Variants in STPG2 observed in about 807,000 individuals in gnomAD.
STPG2 encodes the protein sperm-tail PG-rich repeat-containing protein 2.
In STPG2, 56 loss-of-function variants were observed where a neutral mutation model predicts 54.2. The observed-to-expected ratio is 1.03, with a 90% CI of 0.83 to 1.29. The LOEUF is 1.29. Among genes scored for constraint, STPG2 ranks in the 50% most tolerant of loss-of-function variants. The probability of loss-of-function intolerance (pLI) is 0.00; values close to 1 mark genes in which losing one functional copy is unlikely to be tolerated. For synonymous variants in STPG2, 200 were observed against 181.8 expected (o/e 1.10, Z -0.81); for missense variants, 596 against 544.9 (o/e 1.09, Z -0.93).
intron 4 of STPG2, among the ~76,000 whole-genome samples, chr4:97,484,006 T>G (rs1260276638): frequency 6.6e-6 from 1 of 151,628 alleles, no homozygotes; most frequent in Non-Finnish European, 1.5e-5. Flanking sequence ...AGTTGGAAAT[T>G]AAAACATTCT....
chr4:98,063,571 T>C (rs1433986545), intron 5 of STPG2, among the ~76,000 whole-genome samples: 1 of 152,148 alleles, frequency 6.6e-6, no homozygotes, highest in Admixed American at 6.6e-5. Flanking sequence ...AATTGTACTT[T>C]TATGGAAATA....
intron 1 of STPG2, among the ~76,000 whole-genome samples, chr4:98,139,690 A>G (rs1042586238): frequency 6.6e-6 from 1 of 152,182 alleles, no homozygotes; most frequent in Admixed American, 6.5e-5. Flanking sequence ...CAAAATGTAT[A>G]GGATGCAGCT....
intron 10 of STPG2, among the ~76,000 whole-genome samples, chr4:97,585,836 T>C (rs1732983815): frequency 6.6e-6 from 1 of 151,848 alleles, no homozygotes; most frequent in Non-Finnish European, 1.5e-5. Context: ...ACAGATCAGG[T>C]ACTGTGCGCT....
In STPG2 at chr4:98,019,592, A is replaced by G. The variant is rs565085082; in HGVS notation, c.613-38274T>C. On this transcript the variant is annotated intron_variant, in intron 5 of 10. Coordinates refer to ENST00000295268, the MANE Select transcript of STPG2 (RefSeq NM_174952.3). ...GCTTGATGGGGATGGCATTGAATGT[A>G]TAAATTACCTTGGGCAGTACGGCCA... Among the ~76,000 whole-genome samples the G allele has an allele frequency of 4.6e-4, 70 of 151,736 alleles. 2 individuals are homozygous for G. The highest frequency in any genetic ancestry group is 1.6e-3 in the African/African-American group (65 of 41,308).
intron 8 of STPG2, among the ~76,000 whole-genome samples, chr4:97,904,813 G>A (rs929389620): frequency 1.3e-5 from 2 of 152,216 alleles, no homozygotes; most frequent in African/African-American, 4.8e-5. Flanking sequence ...GAAGAATGCA[G>A]AAGGCTCAGA....
At chr4:98,076,453 T>G (rs965322354) in intron 5 of STPG2, among the ~76,000 whole-genome samples, 10 of 152,214 alleles carry the variant, frequency 6.6e-5, no homozygotes, top group African/African-American at 2.4e-4. Context: ...TGTTTCCACA[T>G]AAACATTTGA....
intron 10 of STPG2, among the ~76,000 whole-genome samples, chr4:97,621,908 G>C (rs1734020821): frequency 6.6e-6 from 1 of 152,088 alleles, no homozygotes; most frequent in Admixed American, 6.6e-5. Flanking sequence ...ACCCACCAGT[G>C]CATCAAAAAA....
chr4:98,074,910 G>A (rs981907945), intron 5 of STPG2, among the ~76,000 whole-genome samples: 46 of 151,818 alleles, frequency 3.0e-4, no homozygotes, highest in African/African-American at 1.1e-3. Context: ...GTGTCTTCCT[G>A]GATTATAATT....
At chr4:97,887,000 G>GT (rs1163495019) in intron 8 of STPG2, among the ~76,000 whole-genome samples, 1 of 152,136 alleles carries the variant, frequency 6.6e-6, no homozygotes, top group Non-Finnish European at 1.5e-5. Flanking sequence ...CACCAGGATC[G>GT]TAAGTTTCCT....
chr4:98,114,765 T>G (rs28632800), intron 3 of STPG2, among the ~76,000 whole-genome samples: 115,793 of 148,826 alleles, frequency 0.78, 44,891 homozygotes, highest in Middle Eastern at 0.79. Context: ...TTTTTTTTTT[T>G]TGTGTGTGTG....
chr4:97,736,918 C>T (rs1160245247), intron 9 of STPG2, among the ~76,000 whole-genome samples: 2 of 152,158 alleles, frequency 1.3e-5, no homozygotes, highest in African/African-American at 4.8e-5. Flanking sequence ...CAAGTGGGTC[C>T]CTGACCCCTG....
At chr4:97,878,076 T>A (rs1205084423) in intron 8 of STPG2, among the ~76,000 whole-genome samples, 2 of 152,242 alleles carry the variant, frequency 1.3e-5, no homozygotes, top group Non-Finnish European at 2.9e-5. Flanking sequence ...TGATCTCCTT[T>A]GACTCCATGT....
chr4:97,529,291 T>C (rs1321826982), intron 4 of STPG2, among the ~76,000 whole-genome samples: 1 of 152,234 alleles, frequency 6.6e-6, no homozygotes, highest in Non-Finnish European at 1.5e-5. Flanking sequence ...CATTTATTAA[T>C]TTGCGTATGT....
intron 8 of STPG2, among the ~76,000 whole-genome samples, chr4:97,892,870 C>T (rs1324700406): frequency 1.3e-5 from 2 of 152,132 alleles, no homozygotes; most frequent in Non-Finnish European, 2.9e-5. Context: ...TTTCACTCTC[C>T]AATAAACTTC....
At chr4:97,966,197 C>T (rs1391457479) in intron 7 of STPG2, among the ~76,000 whole-genome samples, 1 of 152,132 alleles carries the variant, frequency 6.6e-6, no homozygotes, top group African/African-American at 2.4e-5. Flanking sequence ...CGTGACCTGA[C>T]AGAGCTGAAA....
At chr4:97,636,814 G>C (rs1051459652) in intron 10 of STPG2, among the ~76,000 whole-genome samples, 104 of 152,186 alleles carry the variant, frequency 6.8e-4, no homozygotes, top group Non-Finnish European at 6.8e-4. Context: ...TCTCTGAATA[G>C]ACCAATAACA....
rs374440024 is a variant in STPG2, at chr4:97,456,786, C to G, written c.462+255913G>C. Among the ~76,000 whole-genome samples the G allele has an allele frequency of 2.8e-3, 428 of 150,346 alleles. 3 individuals carry two copies. Among genetic ancestry groups the G allele is most frequent in the African/African-American group, 9.7e-3 (394 of 40,554 alleles). Reference sequence around the variant, plus strand: ...TGGCAGGCGCCTGTAGTCCGAGCTACTCAGGAGGCTGAGGCAGGAGAATGG... The same window carrying G: ...TGGCAGGCGCCTGTAGTCCGAGCTAGTCAGGAGGCTGAGGCAGGAGAATGG... On this transcript the variant is annotated intron_variant, in intron 4 of 4. Transcript: ENST00000522676.
intron 9 of STPG2, among the ~76,000 whole-genome samples, chr4:97,723,656 G>A (rs981424317): frequency 1.4e-4 from 21 of 152,076 alleles, no homozygotes; most frequent in African/African-American, 5.1e-4. Context: ...ATAAAGAACT[G>A]CCTGAGACTG....
At chr4:97,892,102 A>C (rs902683023) in intron 8 of STPG2, among the ~76,000 whole-genome samples, 1 of 152,050 alleles carries the variant, frequency 6.6e-6, no homozygotes, top group Admixed American at 6.6e-5. Context: ...TACTTATCAC[A>C]CCCTATTATA....
Sources: allele counts gnomAD v4.1 joint callset (sites outside exome capture counted in the v4.1 genomes callset), GRCh38; gene constraint gnomAD v4.1.1; transcripts MANE v1.5; gene names NCBI Gene and HGNC (gene_info 2026-07-23, HGNC 2026-07-21).